GARRE1: variants seen among roughly 807,000 people sequenced by gnomAD.
GARRE1 encodes the protein granule associated Rac and RHOG effector 1, also known as granule associated Rac and RHOG effector protein 1.
In GARRE1, 49 loss-of-function variants were observed where a neutral mutation model predicts 103.2. That is an observed-to-expected ratio of 0.47 (90% CI 0.38 to 0.60). The LOEUF is 0.60. Among genes scored for constraint, GARRE1 ranks in the 20% least tolerant of loss-of-function variants. The probability of loss-of-function intolerance (pLI) is 0.00; values close to 1 mark genes in which losing one functional copy is unlikely to be tolerated. For synonymous variants in GARRE1, 505 were observed against 532.8 expected (o/e 0.95, Z 0.72); for missense variants, 1,199 against 1,370.5 (o/e 0.87, Z 1.98).
intron 1 of GARRE1, among the ~76,000 whole-genome samples, chr19:34,257,510 C>CTCTT (rs2073681758): frequency 1.3e-5 from 2 of 151,674 alleles, no homozygotes; most frequent in Admixed American, 1.3e-4. Flanking sequence ...GCTAATCACT[C>CTCTT]TTTTTTCCTC....
intron 1 of GARRE1, among the ~76,000 whole-genome samples, chr19:34,260,734 A>G (rs1421325666): frequency 6.6e-6 from 1 of 152,258 alleles, no homozygotes; most frequent in Non-Finnish European, 1.5e-5. Flanking sequence ...TCTATAGAAA[A>G]GATATAAGTC....
chr19:34,275,557 T>C (rs537779981), intron 1 of GARRE1, among the ~76,000 whole-genome samples: 1 of 152,242 alleles, frequency 6.6e-6, no homozygotes, highest in Non-Finnish European at 1.5e-5. Context: ...ATCAGTACTT[T>C]ATTCCTTTTC....
At position 34,300,539 on chromosome 19, in the gene GARRE1, C is replaced by T; in HGVS notation, c.66C>T (p.Ser22=). 1 of 1,613,502 alleles carries T rather than the reference C, an allele frequency of 6.2e-7. No homozygotes were observed. Among genetic ancestry groups the T allele is most frequent in the East Asian group, 2.2e-5 (1 of 44,880 alleles). The change falls in exon 2 of 14, where the codon TCC becomes TCT. Residue 22 remains serine (S), a synonymous_variant. Transcript: ENST00000299505. ...DYKRRFLLGG[S]KQKVQQHQQY... is the part of the protein sequence containing the mutation. ...AGCGGCGCTTCCTGCTTGGCGGGTCCAAGCAGAAGGTGCAGCAGCACCAGC... is the reference window on the plus strand; with the variant it reads ...AGCGGCGCTTCCTGCTTGGCGGGTCTAAGCAGAAGGTGCAGCAGCACCAGC...
intron 1 of GARRE1, chr19:34,265,506 G>A (rs1360855277): frequency 6.6e-6 from 1 of 152,240 alleles, no homozygotes; most frequent in Non-Finnish European, 1.5e-5. Flanking sequence ...AAAGAGGAGG[G>A]AGTGGTGGGC....
rs1377308305 is a variant in GARRE1, at chr19:34,342,465, G to T, written c.2521+10G>T. 1 of 1,600,880 alleles carries T rather than the reference G, an allele frequency of 6.2e-7. No homozygotes were observed. Among genetic ancestry groups the T allele is most frequent in the South Asian group, 1.1e-5 (1 of 89,142 alleles). On this transcript the variant is annotated intron_variant, in intron 10 of 13. Coordinates refer to ENST00000299505, the MANE Select transcript of GARRE1 (RefSeq NM_014686.5). ...CCTTTTGATCCTGCAGGTATGTGAG[G>T]CCTCCCATCCCTCGCCCAGTGTCAA...
chr19:34,297,488 G>T (rs1485167220), intron 1 of GARRE1, among the ~76,000 whole-genome samples: 1 of 152,164 alleles, frequency 6.6e-6, no homozygotes, highest in African/African-American at 2.4e-5. Context: ...AGGAATGGGG[G>T]CAGGCTCTCC....
chr19:34,348,092 C>T, intron 11 of GARRE1, 50 bp downstream of exon 11: 1 of 1,368,576 alleles, frequency 7.3e-7, no homozygotes, highest in Non-Finnish European at 9.5e-7. Context: ...CAGGTGTCCC[C>T]CGAGGGGCCT....
chr19:34,331,521 C>T (rs2074137816), intron 7 of GARRE1, among the ~76,000 whole-genome samples: 1 of 152,130 alleles, frequency 6.6e-6, no homozygotes, highest in African/African-American at 2.4e-5. Context: ...AATAAAGTAA[C>T]ATCAACTAAA....
At chr19:34,304,431 A>G (rs898080294) in intron 2 of GARRE1, among the ~76,000 whole-genome samples, 2 of 144,836 alleles carry the variant, frequency 1.4e-5, no homozygotes, top group Non-Finnish European at 3.0e-5. Flanking sequence ...GCTAGAGTGC[A>G]GTGGCGTGGT....
rs1184604131 is a variant in GARRE1 at position 34,333,773 on chromosome 19, A to G, written c.1333A>G (p.Arg445Gly). 2 of 1,608,668 alleles carry G rather than the reference A, an allele frequency of 1.2e-6. No individual in the cohort carries two copies. Among genetic ancestry groups the G allele is most frequent in the Admixed American group, 1.7e-5 (1 of 59,440 alleles). The change falls in exon 8 of 14, where the codon AGA becomes GGA. Residue 445 changes from arginine (R) to glycine (G), a missense_variant. Transcript: ENST00000299505. ...YAPQISLEGS[R>G]IVVQVPSTWC... ...CCCCCAGATCAGTTTAGAAGGCTCT[A>G]GAATCGTGGTTCAAGTCCCATCCAC...
intron 12 of GARRE1, 40 bp downstream of exon 12, chr19:34,349,193 C>T (rs781445322): frequency 6.2e-7 from 1 of 1,600,214 alleles, no homozygotes; most frequent in Non-Finnish European, 8.5e-7. Flanking sequence ...GAGAGAAGGG[C>T]ATGTGAATGC....
chr19:34,267,483 G>A (rs2073759452), intron 1 of GARRE1, among the ~76,000 whole-genome samples: 1 of 151,766 alleles, frequency 6.6e-6, no homozygotes, highest in Admixed American at 6.6e-5. Context: ...TGGGATTACA[G>A]GTATGAGCCA....
rs2074186583 is a variant in GARRE1, at chr19:34,341,739, A to G, written c.1805A>G (p.Asp602Gly). 1 of 1,614,188 alleles carries G rather than the reference A, an allele frequency of 6.2e-7. No individual in the cohort carries two copies. The highest frequency in any genetic ancestry group is 8.5e-7 in the Non-Finnish European group (1 of 1,180,040). Residue 602 changes from aspartate (D) to glycine (G), a missense_variant, in exon 10 of 14, where the codon GAC becomes GGC. By Grantham distance (94) the Asp-to-Gly change is moderately conservative. Coordinates refer to ENST00000299505, the MANE Select transcript of GARRE1 (RefSeq NM_014686.5). ...LNIGNFPRTT[D>G]PSQSAQNSSN... Reference sequence around the variant, plus strand: ...ATTGGTAATTTCCCCAGGACTACAGACCCTTCACAGTCAGCTCAGAATTCC... The same window carrying G: ...ATTGGTAATTTCCCCAGGACTACAGGCCCTTCACAGTCAGCTCAGAATTCC...
At chr19:34,282,169 G>A (rs1397074957) in intron 1 of GARRE1, among the ~76,000 whole-genome samples, 18 of 151,266 alleles carry the variant, frequency 1.2e-4, no homozygotes, top group Admixed American at 1.2e-3. Context: ...TTCTCCCCCC[G>A]AGATGGAGTC....
chr19:34,343,000 A>T (rs1023710391), intron 10 of GARRE1, among the ~76,000 whole-genome samples: 29 of 152,186 alleles, frequency 1.9e-4, no homozygotes, highest in Admixed American at 1.8e-3. Context: ...AGGAGGAGGA[A>T]TTAAGGGGGA....
At chr19:34,333,657 C>G (rs755227835) in intron 7 of GARRE1, 47 bp from the exon 8 acceptor site, 4 of 1,088,890 alleles carry the variant, frequency 3.7e-6, no homozygotes, top group Admixed American at 2.1e-5. Flanking sequence ...TGTTTTCTCT[C>G]TGAAAGCTGG....
intron 1 of GARRE1, among the ~76,000 whole-genome samples, chr19:34,267,520 A>C (rs1441153732): frequency 6.6e-6 from 1 of 151,928 alleles, no homozygotes; most frequent in Non-Finnish European, 1.5e-5. Flanking sequence ...CCCTGTCTTT[A>C]AAAAAATAAG....
At chr19:34,323,692 G>A (rs1055149548) in intron 3 of GARRE1, among the ~76,000 whole-genome samples, 5 of 151,972 alleles carry the variant, frequency 3.3e-5, no homozygotes, top group Non-Finnish European at 7.4e-5. Flanking sequence ...CTGGCTGCTG[G>A]GCCCCAGCCT....
At chr19:34,340,775 C>A (rs758074309) in intron 9 of GARRE1, among the ~76,000 whole-genome samples, 1 of 152,184 alleles carries the variant, frequency 6.6e-6, no homozygotes, top group Non-Finnish European at 1.5e-5. Flanking sequence ...GCCTCGGCCT[C>A]CCAAAGTGCT....
Sources: gnomAD v4.1 joint callset for allele counts (sites outside exome capture counted in the v4.1 genomes callset) on GRCh38, gnomAD v4.1.1 for gene constraint, MANE v1.5 for transcripts, NCBI Gene and HGNC (gene_info 2026-07-23, HGNC 2026-07-21) for gene names.